RBMS3: variants seen among roughly 807,000 people sequenced by gnomAD.
RBMS3 encodes RNA binding motif single stranded interacting protein 3, also known as RNA-binding motif, single-stranded-interacting protein 3.
In RBMS3, 27 loss-of-function variants were observed where a neutral mutation model predicts 66.8. The observed-to-expected ratio is 0.40, with a 90% CI of 0.30 to 0.56. RBMS3 has a LOEUF of 0.56. RBMS3 is among the 20% of genes least tolerant of loss of function. The pLI is 0.40. For synonymous variants in RBMS3, 188 were observed against 183.0 expected, an observed-to-expected ratio of 1.03 and a Z score of -0.22; for missense variants, 513 against 549.5, an observed-to-expected ratio of 0.93 and a Z score of 0.66.
rs995630007 is a variant in RBMS3, at chr3:29,494,495, G to T, written c.307+5996G>T. ...ATGACCAGAAATTGCTGAACAAAGC[G>T]AGTAACAGCTCCAGATGGGGAGTAA... On this transcript the variant is annotated intron_variant, in intron 3 of 14. Coordinates refer to ENST00000383767, the MANE Select transcript of RBMS3 (RefSeq NM_001003793.3). 2.6e-5 allele frequency among the ~76,000 whole-genome samples: 4 copies of T among 152,142 alleles called. No individual in the cohort carries two copies. In the South Asian group the frequency reaches 8.3e-4, roughly 31 times the overall value.
intron 6 of RBMS3, among the ~76,000 whole-genome samples, chr3:29,847,658 T>A (rs7643702): frequency 3.3e-5 from 5 of 151,374 alleles, no homozygotes; most frequent in South Asian, 2.1e-4. Flanking sequence ...TTTTTTTTTT[T>A]ATTTTTTATT....
intron 6 of RBMS3, among the ~76,000 whole-genome samples, chr3:29,786,469 A>C (rs1292625251): frequency 6.6e-6 from 1 of 152,238 alleles, no homozygotes; most frequent in Non-Finnish European, 1.5e-5. Context: ...AGTCACAAAA[A>C]CAGCATGGTA....
intron 1 of RBMS3, among the ~76,000 whole-genome samples, chr3:29,285,179 A>C (rs2032199310): frequency 7.4e-6 from 1 of 135,384 alleles, no homozygotes; most frequent in Non-Finnish European, 1.5e-5. Context: ...GTTGCTGTTG[A>C]CTTATGAGAT....
rs866451397 is a variant in RBMS3, at chr3:29,425,214, A to C, written c.76-9529A>C. Among the ~76,000 whole-genome samples, 42 of 98,808 alleles carry C rather than the reference A, an allele frequency of 4.3e-4. No individual in the cohort carries two copies. The Middle Eastern group carries it at 0.013, about 31-fold the overall frequency. The allele number at this position is 98,808 out of a possible 152,430, so 64.8% of individuals were successfully genotyped here. A position where few individuals can be genotyped will look rare whatever the true frequency, so the allele number is the denominator to read the frequency against. ...CAAAAAAAAAAAACCCCCCAAAAAA[A>C]ACAAAAAAAAAAAAACAGGCGTGGT... On this transcript the variant is annotated intron_variant, in intron 1 of 14. Coordinates refer to ENST00000383767, the MANE Select transcript of RBMS3 (RefSeq NM_001003793.3).
chr3:29,650,504 G>A (rs1409224354), intron 4 of RBMS3, among the ~76,000 whole-genome samples: 2 of 152,034 alleles, frequency 1.3e-5, no homozygotes, highest in African/African-American at 4.8e-5. Context: ...TGTGGCCCAT[G>A]TAGGTCTCAC....
At chr3:29,761,480 G>A (rs566840028) in intron 5 of RBMS3, among the ~76,000 whole-genome samples, 54 of 152,048 alleles carry the variant, frequency 3.6e-4, no homozygotes, top group Non-Finnish European at 6.3e-4. Flanking sequence ...AAGGACGCAC[G>A]CCCTCCAAGC....
At chr3:29,616,204 TGCCCGG>T (rs1325301086) in intron 4 of RBMS3, 2 of 152,300 alleles carry the variant, frequency 1.3e-5, no homozygotes, top group Middle Eastern at 3.4e-3. Flanking sequence ...ATTTACAAAT[TGCCCGG>T]GCGGGGTGGC....
intron 4 of RBMS3, among the ~76,000 whole-genome samples, chr3:29,707,739 T>C (rs2052972633): frequency 6.6e-6 from 1 of 152,226 alleles, no homozygotes; most frequent in Non-Finnish European, 1.5e-5. Flanking sequence ...CTCTCTGCCA[T>C]GGGACAATTT....
chr3:29,674,398 G>T (rs2051142771), intron 4 of RBMS3, among the ~76,000 whole-genome samples: 1 of 152,082 alleles, frequency 6.6e-6, no homozygotes, highest in African/African-American at 2.4e-5. Context: ...CGGAAGTTCT[G>T]GCCAGGGTAA....
intron 2 of RBMS3, among the ~76,000 whole-genome samples, chr3:29,463,851 G>A (rs2042452221): frequency 6.6e-6 from 1 of 152,042 alleles, no homozygotes; most frequent in Non-Finnish European, 1.5e-5. Context: ...TGTGGAAATA[G>A]GTAAACACAA....
At chr3:29,868,568 A>G (rs574618001) in intron 6 of RBMS3, among the ~76,000 whole-genome samples, 9 of 152,320 alleles carry the variant, frequency 5.9e-5, no homozygotes, top group Admixed American at 2.0e-4. Context: ...CATTACTGGA[A>G]GGGTCGGTGC....
At position 29,398,735 on chromosome 3, in the gene RBMS3, T is replaced by C. The variant is rs151037567; in HGVS notation, c.76-36008T>C. On this transcript the variant is annotated intron_variant, in intron 1 of 14. Transcript: ENST00000383767. ...TGCTTACAAGATCCTTGTCATGTGC[T>C]GCAGGTGCCAAGTGATGCAAAAAAT... 2.5e-3 allele frequency among the ~76,000 whole-genome samples: 380 copies of C among 152,262 alleles called. 1 individual carries two copies. Among genetic ancestry groups the C allele is most frequent in the Non-Finnish European group, 4.1e-3 (282 of 67,996 alleles).
rs77218772 is a variant in RBMS3 at position 29,709,409 on chromosome 3, A to G, written c.400-30311A>G. Among the ~76,000 whole-genome samples the G allele has an allele frequency of 6.3e-3, 963 of 152,278 alleles. 12 individuals are homozygous for G. Among genetic ancestry groups the G allele is most frequent in the African/African-American group, 0.022 (925 of 41,556 alleles). On this transcript the variant is annotated intron_variant, in intron 4 of 14. Coordinates refer to ENST00000383767, the MANE Select transcript of RBMS3 (RefSeq NM_001003793.3). ...CCAAGCCTTCATCTTTTCACCTGGG[A>G]CCAAGTATCAGCTCTTGATGGAATT...
intron 4 of RBMS3, among the ~76,000 whole-genome samples, chr3:29,627,995 A>C (rs973743733): frequency 1.6e-4 from 24 of 152,188 alleles, no homozygotes; most frequent in African/African-American, 5.3e-4. Flanking sequence ...GACCTGGTCC[A>C]TTATTGTTTA....
At chr3:29,922,635 G>C (rs2060822640) in intron 10 of RBMS3, among the ~76,000 whole-genome samples, 1 of 152,084 alleles carries the variant, frequency 6.6e-6, no homozygotes, top group Non-Finnish European at 1.5e-5. Context: ...ATTGCAGACG[G>C]TTTGGCATAT....
At chr3:29,453,581 G>C (rs555862710) in intron 2 of RBMS3, among the ~76,000 whole-genome samples, 4 of 152,310 alleles carry the variant, frequency 2.6e-5, no homozygotes. Flanking sequence ...CCAGCCTCAT[G>C]GTGGGCTTTG....
At chr3:29,918,049 G>A (rs2060683164) in intron 10 of RBMS3, among the ~76,000 whole-genome samples, 1 of 152,150 alleles carries the variant, frequency 6.6e-6, no homozygotes, top group Non-Finnish European at 1.5e-5. Flanking sequence ...GAAGCTCAGA[G>A]AGGTTAATTG....
intron 4 of RBMS3, among the ~76,000 whole-genome samples, chr3:29,655,965 A>G (rs994763345): frequency 6.6e-6 from 1 of 152,132 alleles, no homozygotes; most frequent in Non-Finnish European, 1.5e-5. Flanking sequence ...AAAATTAGAA[A>G]TGTAAAAAAT....
intron 1 of RBMS3, among the ~76,000 whole-genome samples, chr3:29,387,080 C>T (rs1020902962): frequency 2.6e-5 from 4 of 152,098 alleles, no homozygotes; most frequent in East Asian, 1.9e-4. Flanking sequence ...GGGATTCTGG[C>T]GCTTAGTCCT....
Sources: allele counts gnomAD v4.1 joint callset (sites outside exome capture counted in the v4.1 genomes callset), GRCh38; gene constraint gnomAD v4.1.1; transcripts MANE v1.5; gene names NCBI Gene and HGNC (gene_info 2026-07-23, HGNC 2026-07-21).